Variants in NCOA6 observed in about 807,000 individuals in gnomAD.
NCOA6 encodes nuclear receptor coactivator 6, also known as NRC RAP250.
In NCOA6, 49 loss-of-function variants were observed where a neutral mutation model predicts 171.4. The ratio of observed to expected loss-of-function variants is 0.29; its 90% confidence interval spans 0.23 to 0.36. The LOEUF is 0.36. Among genes scored for constraint, NCOA6 ranks in the 10% least tolerant of loss-of-function variants. The pLI is 1.00. For missense variants in NCOA6, 2,248 were observed against 2,554.5 expected, an observed-to-expected ratio of 0.88 and a Z score of 2.59; for synonymous variants, 910 against 927.5, an observed-to-expected ratio of 0.98 and a Z score of 0.34.
chr20:34,809,113 C>T (rs74769848), intron 1 of NCOA6, among the ~76,000 whole-genome samples: 1 of 152,288 alleles, frequency 6.6e-6, no homozygotes, highest in African/African-American at 2.4e-5. Context: ...TCCATGCCTC[C>T]ATTCGCCTCC....
intron 4 of NCOA6, 60 bp from the exon 5 acceptor site, chr20:34,768,646 T>C (rs180735437): frequency 1.3e-6 from 2 of 1,582,344 alleles, no homozygotes; most frequent in African/African-American, 1.3e-5. Flanking sequence ...ATTTTGTTTA[T>C]AGACAGCTAT....
At chr20:34,771,521 C>T (rs1046441742) in intron 4 of NCOA6, among the ~76,000 whole-genome samples, 2 of 152,168 alleles carry the variant, frequency 1.3e-5, no homozygotes, top group Non-Finnish European at 2.9e-5. Flanking sequence ...TTACAGCGCA[C>T]GTCAGTTTTA....
chr20:34,724,491 T>A (rs988972145), intron 14 of NCOA6, among the ~76,000 whole-genome samples: 1 of 152,180 alleles, frequency 6.6e-6, no homozygotes, highest in Non-Finnish European at 1.5e-5. Flanking sequence ...CTTGACCGTT[T>A]CTCAGCAGTC....
chr20:34,815,512 T>C, intron 1 of NCOA6, among the ~76,000 whole-genome samples: 1 of 152,172 alleles, frequency 6.6e-6, no homozygotes, highest in East Asian at 1.9e-4. Context: ...TTCCAATATT[T>C]TTTTAAATTA....
chr20:34,790,822 T>A (rs1423003789), intron 2 of NCOA6, among the ~76,000 whole-genome samples: 1 of 151,864 alleles, frequency 6.6e-6, no homozygotes, highest in Non-Finnish European at 1.5e-5. Context: ...GCTAATTTTG[T>A]TTGTTTTTAG....
At chr20:34,779,065 T>C (rs1242951349) in intron 3 of NCOA6, among the ~76,000 whole-genome samples, 1 of 151,936 alleles carries the variant, frequency 6.6e-6, no homozygotes, top group African/African-American at 2.4e-5. Context: ...CTAAACTGTA[T>C]ACTTAATAAT....
Position 34,742,193 on chromosome 20 carries a change from T to G in NCOA6, c.4063A>C (p.Thr1355Pro). ...GRQNSKAPKL[T>P]LASQTNAALL... ...GCTGCATTTGTCTGAGAGGCCAGAG[T>G]AAGTTTAGGGGCTTTTGAATTTTGC... is the stretch of plus-strand genomic sequence containing the variant. Residue 1355 changes from threonine to proline, a missense_variant, in exon 11 of 15, where the codon ACT becomes CCT. Thr to Pro is a conservative substitution (Grantham distance 38). Transcript: ENST00000359003. The G allele has an allele frequency of 6.2e-7, 1 of 1,614,130 alleles. No homozygotes were observed. The highest frequency in any genetic ancestry group is 8.5e-7 in the Non-Finnish European group (1 of 1,180,020).
chr20:34,747,234 G>C (rs1600833928), intron 9 of NCOA6, among the ~76,000 whole-genome samples: 1 of 152,124 alleles, frequency 6.6e-6, no homozygotes, highest in Non-Finnish European at 1.5e-5. Flanking sequence ...CCTGATCATA[G>C]GACTATCAAT....
At chr20:34,811,340 T>C (rs2146624061) in intron 1 of NCOA6, among the ~76,000 whole-genome samples, 1 of 151,338 alleles carries the variant, frequency 6.6e-6, no homozygotes, top group Middle Eastern at 3.4e-3. Context: ...GCTTCATAAA[T>C]ACAAGCATAT....
At chr20:34,722,321 C>T (rs914234778) in intron 14 of NCOA6, among the ~76,000 whole-genome samples, 5 of 151,554 alleles carry the variant, frequency 3.3e-5, no homozygotes, top group Non-Finnish European at 7.4e-5. Flanking sequence ...GCGGAGGTTG[C>T]AACGAGCCAA....
intron 5 of NCOA6, among the ~76,000 whole-genome samples, chr20:34,760,086 T>C (rs960894268): frequency 1.1e-4 from 17 of 152,110 alleles, no homozygotes; most frequent in Admixed American, 6.5e-5. Flanking sequence ...GAGACCAGCC[T>C]GGGCAACATA....
At chr20:34,811,628 AC>A (rs1005824028) in intron 1 of NCOA6, among the ~76,000 whole-genome samples, 1 of 152,080 alleles carries the variant, frequency 6.6e-6, no homozygotes, top group African/African-American at 2.4e-5. Context: ...TTATTTGACT[AC>A]CCTTTACCAA....
chr20:34,732,680 T>C, intron 12 of NCOA6, 85 bp from the exon 13 acceptor site: 1 of 1,179,420 alleles, frequency 8.5e-7, no homozygotes, highest in African/African-American at 1.5e-5. Context: ...CTCTATGCCC[T>C]ATTTAGGCTA....
intron 3 of NCOA6, chr20:34,776,900 C>T (rs1291104424): frequency 2.3e-5 from 9 of 393,378 alleles, no homozygotes; most frequent in South Asian, 9.3e-5. Context: ...AGGTGGATCA[C>T]GAGGTCAGGA....
chr20:34,805,761 T>A (rs2078430599), intron 1 of NCOA6, among the ~76,000 whole-genome samples: 1 of 151,872 alleles, frequency 6.6e-6, no homozygotes, highest in African/African-American at 2.4e-5. Flanking sequence ...TGATCTCGGC[T>A]CACTGCAACC....
rs567850001 is a variant in NCOA6 at position 34,814,737 on chromosome 20, G to A, written c.-164+10735C>T. On this transcript the variant is annotated intron_variant, in intron 1 of 14. Transcript: ENST00000359003. Reference sequence around the variant, plus strand: ...CTCCCAAGTAGCTGGGATTACAGGCGCACGCCACCACGCCAGGCTAATTTT... The same window carrying A: ...CTCCCAAGTAGCTGGGATTACAGGCACACGCCACCACGCCAGGCTAATTTT... Among the ~76,000 whole-genome samples, 637 of 152,160 alleles carry A rather than the reference G, an allele frequency of 4.2e-3. 3 individuals are homozygous for A. The highest frequency in any genetic ancestry group is 6.8e-3 in the Non-Finnish European group (461 of 68,002).
intron 11 of NCOA6, among the ~76,000 whole-genome samples, chr20:34,739,751 G>T (rs2076073459): frequency 6.6e-6 from 1 of 152,162 alleles, no homozygotes; most frequent in Non-Finnish European, 1.5e-5. Flanking sequence ...GACATAGTTG[G>T]TATAAAGATG....
At position 34,756,965 on chromosome 20, in the gene NCOA6, T is replaced by C. The variant is rs183834444; in HGVS notation, c.1528+255A>G. Among the ~76,000 whole-genome samples, 332 of 152,322 alleles carry C rather than the reference T, an allele frequency of 2.2e-3. 1 individual carries two copies. The highest frequency in any genetic ancestry group is 2.2e-3 in the Non-Finnish European group (147 of 68,024). ...TAGTACAAGATCAAGCAAAAATAAT[T>C]TGAAAAACAAAATGAACATCTCTAC... On this transcript the variant is annotated intron_variant, in intron 7 of 14. Transcript: ENST00000359003.
At position 34,754,848 on chromosome 20, in the gene NCOA6, G is replaced by A; in HGVS notation, c.1549C>T (p.Pro517Ser). The A allele has an allele frequency of 6.2e-7, 1 of 1,614,144 alleles. No homozygotes were observed. The change falls in exon 8 of 15, where the codon CCT (proline) becomes TCT (serine). Residue 517 changes from proline (P) to serine (S), a missense_variant. Pro to Ser is a moderately conservative substitution (Grantham distance 74). Coordinates refer to ENST00000359003, the MANE Select transcript of NCOA6 (RefSeq NM_014071.5). ...GLGGMPKRLP[P>S]GFSAGQANPN... Reference sequence around the variant, plus strand: ...TTGGCCTGTCCTGCTGAGAAGCCAGGTGGGAGGCGTTTAGGCATTCCTTAA... The same window carrying A: ...TTGGCCTGTCCTGCTGAGAAGCCAGATGGGAGGCGTTTAGGCATTCCTTAA...
Sources: gnomAD v4.1 joint callset for allele counts (sites outside exome capture counted in the v4.1 genomes callset) on GRCh38, gnomAD v4.1.1 for gene constraint, MANE v1.5 for transcripts, NCBI Gene and HGNC (gene_info 2026-07-23, HGNC 2026-07-21) for gene names.